Variants in HIPK3 observed in about 807,000 individuals in gnomAD.
HIPK3 encodes homeodomain-interacting protein kinase 3.
In HIPK3, 47 loss-of-function variants were observed where a neutral mutation model predicts 124.2. The ratio of observed to expected loss-of-function variants is 0.38; its 90% confidence interval spans 0.30 to 0.48. HIPK3 has a LOEUF of 0.48. Among genes scored for constraint, HIPK3 ranks in the 20% least tolerant of loss-of-function variants. The pLI is 0.98. For synonymous variants in HIPK3, 482 were observed against 515.2 expected, an observed-to-expected ratio of 0.94 and a Z score of 0.87; for missense variants, 1,286 against 1,454.3, an observed-to-expected ratio of 0.88 and a Z score of 1.88.
chr11:33,296,991 G>C (rs1284478416), intron 2 of HIPK3, among the ~76,000 whole-genome samples: 1 of 152,170 alleles, frequency 6.6e-6, no homozygotes, highest in East Asian at 1.9e-4. Flanking sequence ...CAGTCAAGTG[G>C]CGAATACAAA....
intron 2 of HIPK3, among the ~76,000 whole-genome samples, chr11:33,300,585 C>G (rs1176847002): frequency 1.3e-5 from 2 of 152,124 alleles, no homozygotes; most frequent in East Asian, 3.8e-4. Context: ...ATAATGTAAA[C>G]ATAACTTTTA....
At chr11:33,319,873 A>C (rs1852614404) in intron 2 of HIPK3, among the ~76,000 whole-genome samples, 1 of 152,234 alleles carries the variant, frequency 6.6e-6, no homozygotes, top group South Asian at 2.1e-4. Context: ...TGCTATAGAG[A>C]ACAGTCAAGC....
chr11:33,268,293 G>A lies in HIPK3; in HGVS notation c.-3+10404G>A, dbSNP rs938942732. On this transcript the variant is annotated intron_variant, in intron 1 of 16. Coordinates refer to ENST00000303296, the MANE Select transcript of HIPK3 (RefSeq NM_005734.5). ...CAACATTTTGATATTTTATACATGT[G>A]TATTTAAAATTGAATTCTGGGCCGG... is the stretch of plus-strand genomic sequence containing the variant. Among the ~76,000 whole-genome samples, 132 of 152,048 alleles carry A rather than the reference G, an allele frequency of 8.7e-4. 2 individuals carry two copies. Among genetic ancestry groups the A allele is most frequent in the Admixed American group, 8.7e-3 (132 of 15,252 alleles).
chr11:33,285,413 G>C (rs1391571791), intron 1 of HIPK3, among the ~76,000 whole-genome samples: 1 of 152,080 alleles, frequency 6.6e-6, no homozygotes, highest in Admixed American at 6.6e-5. Flanking sequence ...TAACTGGGTA[G>C]AAAGTCATTA....
In HIPK3 at chr11:33,258,385, A is replaced by T. The variant is rs184677608; in HGVS notation, c.-3+496A>T. 3.6e-5 allele frequency: 35 copies of T among 985,836 alleles called. No individual in the cohort carries two copies. In the East Asian group the frequency reaches 3.9e-3, roughly 109 times the overall value. 61.1% of individuals were successfully genotyped at this position (985,836 alleles called of 1,614,324 possible). ...GCACGCAGCTTGAGCACCCCAGCCG[A>T]TGGCCGCGTCCCGGGCTTTGTGGCC... On this transcript the variant is annotated intron_variant, in intron 1 of 16. Coordinates refer to ENST00000303296, the MANE Select transcript of HIPK3 (RefSeq NM_005734.5).
At position 33,347,445 on chromosome 11, in the gene HIPK3, C is replaced by T. The variant is rs750717757; in HGVS notation, c.2019+31C>T. ...TAATAATTCATTCTTTGCCATATAT[C>T]AGCTTGTGCTTTTGGGAAATAGTGA... On this transcript the variant is annotated intron_variant, in intron 9 of 16. Coordinates refer to ENST00000303296, the MANE Select transcript of HIPK3 (RefSeq NM_005734.5). The T allele has an allele frequency of 3.1e-6, 5 of 1,611,832 alleles. No homozygotes were observed. In the South Asian group the frequency reaches 4.4e-5, roughly 14 times the overall value.
At chr11:33,323,268 A>C (rs2133960894) in intron 2 of HIPK3, among the ~76,000 whole-genome samples, 1 of 152,262 alleles carries the variant, frequency 6.6e-6, no homozygotes, top group Admixed American at 6.5e-5. Flanking sequence ...TTGAAGACAG[A>C]GTCTAGCTCT....
At chr11:33,296,488 G>A (rs1050367061) in intron 2 of HIPK3, among the ~76,000 whole-genome samples, 13 of 152,272 alleles carry the variant, frequency 8.5e-5, no homozygotes, top group Admixed American at 8.5e-4. Flanking sequence ...TTGCTTTATT[G>A]CATTTCACAT....
Position 33,287,180 on chromosome 11 carries a change from T to C in HIPK3, c.766T>C (p.Tyr256His). The change falls in exon 2 of 17, where the codon TAT (tyrosine) becomes CAT (histidine). Residue 256 changes from tyrosine (Y) to histidine (H), a missense_variant. By Grantham distance (83) the Tyr-to-His change is moderately conservative. Coordinates refer to ENST00000303296, the MANE Select transcript of HIPK3 (RefSeq NM_005734.5). ...GCTCAGTACTGAAAATGCTGATGAA[T>C]ATAACTTTGTACGAGCTTATGAATG... is the stretch of plus-strand genomic sequence containing the variant. ...ARLSTENADEYNFVRAYECFQ... is the reference protein window; with the variant it reads ...ARLSTENADEHNFVRAYECFQ... 2 of 1,614,212 alleles carry C rather than the reference T, an allele frequency of 1.2e-6. No individual in the cohort carries two copies. Among genetic ancestry groups the C allele is most frequent in the South Asian group, 1.1e-5 (1 of 91,084 alleles).
chr11:33,275,045 A>G (rs1414234682), intron 1 of HIPK3, among the ~76,000 whole-genome samples: 3 of 147,202 alleles, frequency 2.0e-5, no homozygotes. Context: ...GGTAGACACA[A>G]TTTTTTTTTT....
intron 8 of HIPK3, among the ~76,000 whole-genome samples, chr11:33,345,082 G>C (rs1853452456): frequency 6.6e-6 from 1 of 151,984 alleles, no homozygotes; most frequent in Admixed American, 6.6e-5. Context: ...TTTAAGTAAT[G>C]CATTTAATAT....
At chr11:33,348,420 G>A (rs982827347) in intron 12 of HIPK3, 102 bp from the exon 13 acceptor site, 18 of 1,093,590 alleles carry the variant, frequency 1.6e-5, no homozygotes, top group Middle Eastern at 6.2e-4. Flanking sequence ...TCATGAACTC[G>A]AACAAGTGAA....
At chr11:33,305,749 T>C (rs1416921729) in intron 2 of HIPK3, among the ~76,000 whole-genome samples, 1 of 152,236 alleles carries the variant, frequency 6.6e-6, no homozygotes, top group East Asian at 1.9e-4. Flanking sequence ...GATTTTTTGT[T>C]TGTTTGTTTT....
intron 2 of HIPK3, among the ~76,000 whole-genome samples, chr11:33,323,020 C>A (rs1020216496): frequency 6.6e-6 from 1 of 152,076 alleles, no homozygotes; most frequent in Non-Finnish European, 1.5e-5. Flanking sequence ...CATGGCCTGT[C>A]CTGTTAACAG....
Position 33,338,843 on chromosome 11 carries a change from T to C in HIPK3, c.1428T>C (p.His476=). ...YIFNSLDDVA[H]VNTVMDLEGS... ...TCAACAGTCTGGATGATGTAGCGCATGTGAGTACCATAGCCACATTTGTTC... is the reference window on the plus strand; with the variant it reads ...TCAACAGTCTGGATGATGTAGCGCACGTGAGTACCATAGCCACATTTGTTC... The change falls in exon 5 of 17, where the codon CAT becomes CAC. Residue 476 remains histidine (H), a splice_region_variant and synonymous_variant. Coordinates refer to ENST00000303296, the MANE Select transcript of HIPK3 (RefSeq NM_005734.5). 2 of 1,604,814 alleles carry C rather than the reference T, an allele frequency of 1.2e-6. No individual in the cohort carries two copies. Among genetic ancestry groups the C allele is most frequent in the East Asian group, 2.2e-5 (1 of 44,744 alleles).
At chr11:33,285,574 AAAAAATAT>A (rs1565063148) in intron 1 of HIPK3, among the ~76,000 whole-genome samples, 1 of 116,880 alleles carries the variant, frequency 8.6e-6, no homozygotes, top group African/African-American at 3.5e-5. Flanking sequence ...TCTCAAAAAA[AAAAAATAT>A]ATATATATAT....
In HIPK3 at chr11:33,351,630, A is replaced by G; in HGVS notation, c.2830A>G (p.Ser944Gly). 1 of 1,614,064 alleles carries G rather than the reference A, an allele frequency of 6.2e-7. No homozygotes were observed. Among genetic ancestry groups the G allele is most frequent in the Non-Finnish European group, 8.5e-7 (1 of 1,179,892 alleles). ...TAGTATGTCAGATGAAGAGCAAGAA[A>G]GTAGTTGTGATACGGTGGATGGCTC... Reference protein sequence around the residue: ...PNSMSDEEQESSCDTVDGSPT... With the variant: ...PNSMSDEEQEGSCDTVDGSPT... Residue 944 changes from serine (S) to glycine (G), a missense_variant, in exon 15 of 17, where the codon AGT (serine) becomes GGT (glycine). Physicochemically the swap from Ser to Gly is moderately conservative, Grantham distance 56. Transcript: ENST00000303296.
intron 2 of HIPK3, among the ~76,000 whole-genome samples, chr11:33,290,441 A>G (rs755700811): frequency 6.6e-6 from 1 of 151,738 alleles, no homozygotes; most frequent in Non-Finnish European, 1.5e-5. Flanking sequence ...TTGGTACTCT[A>G]TGGATTCTGT....
At chr11:33,330,529 A>T (rs1415758839) in intron 3 of HIPK3, among the ~76,000 whole-genome samples, 1 of 152,120 alleles carries the variant, frequency 6.6e-6, no homozygotes, top group African/African-American at 2.4e-5. Context: ...GGGTTTCACC[A>T]TGTTGGCCAG....
Sources: allele counts gnomAD v4.1 joint callset (sites outside exome capture counted in the v4.1 genomes callset), GRCh38; gene constraint gnomAD v4.1.1; transcripts MANE v1.5; gene names NCBI Gene and HGNC (gene_info 2026-07-23, HGNC 2026-07-21).